Variants in ZFYVE26 observed in about 807,000 individuals in gnomAD.
ZFYVE26 encodes zinc finger FYVE-type containing 26.
In ZFYVE26, 181 loss-of-function variants were observed where a neutral mutation model predicts 276.5. The ratio of observed to expected loss-of-function variants is 0.65; its 90% CI spans 0.58 to 0.74. The LOEUF is 0.74. Among genes scored for constraint, ZFYVE26 ranks in the 30% least tolerant of loss-of-function variants. The pLI, the probability that ZFYVE26 is intolerant of heterozygous loss-of-function variation, is 0.00. For missense variants in ZFYVE26, 2,821 were observed against 3,097.9 expected (o/e 0.91, Z 2.12); for synonymous variants, 1,129 against 1,203.1 (o/e 0.94, Z 1.27).
At position 67,783,223 on chromosome 14, in the gene ZFYVE26, GA is replaced by G; in HGVS notation, c.3928del (p.Ser1310HisfsTer6). The G allele has an allele frequency of 6.2e-7, 1 of 1,613,804 alleles. No homozygotes were observed. Among genetic ancestry groups the G allele is most frequent in the East Asian group, 2.2e-5 (1 of 44,872 alleles). On this transcript the variant is annotated frameshift_variant, in exon 21 of 42. Coordinates refer to ENST00000347230, the MANE Select transcript of ZFYVE26 (RefSeq NM_015346.4). LOFTEE classifies it high-confidence loss of function. ...LTSSALAFLK[S>X]RSKLLATVAC... ...CACCGTAGCTAGGAGCTTTGAGCGT[GA>G]CTTAAGAAAGGCCAAGGCAGAGGAG... is the stretch of plus-strand genomic sequence containing the variant.
intron 35 of ZFYVE26, among the ~76,000 whole-genome samples, chr14:67,758,164 T>C (rs1157302547): frequency 1.3e-5 from 2 of 152,302 alleles, no homozygotes; most frequent in East Asian, 3.9e-4. Flanking sequence ...CATGCTAGCA[T>C]AGTGACACTG....
downstream of ZFYVE26, chr14:67,746,446 C>CG (rs11404941): frequency 1.2e-4 from 18 of 152,312 alleles, no homozygotes; most frequent in Non-Finnish European, 1.6e-4. Context: ...CTTCCCCACT[C>CG]CCTTTTCTTT....
intron 13 of ZFYVE26, chr14:67,734,124 C>T: frequency 2.9e-6 from 1 of 350,088 alleles, no homozygotes; most frequent in Non-Finnish European, 5.6e-6. Context: ...AGATCCCAGG[C>T]TGGGCATGGG....
intron 3 of ZFYVE26, among the ~76,000 whole-genome samples, chr14:67,811,185 A>G (rs552235248): frequency 1.3e-5 from 2 of 152,374 alleles, no homozygotes; most frequent in Admixed American, 6.5e-5. Context: ...CTAGGACAGC[A>G]GATCCTTAAT....
chr14:67,749,958 C>T (rs2038591528), intron 41 of ZFYVE26, among the ~76,000 whole-genome samples: 1 of 152,184 alleles, frequency 6.6e-6, no homozygotes, highest in Non-Finnish European at 1.5e-5. Context: ...CATTTAACTG[C>T]ATTAGACAGC....
At chr14:67,760,330 C>G (rs1359354868) in intron 35 of ZFYVE26, among the ~76,000 whole-genome samples, 1 of 152,178 alleles carries the variant, frequency 6.6e-6, no homozygotes, top group Non-Finnish European at 1.5e-5. Flanking sequence ...AGTAGCTAAG[C>G]ACTGGTAAAA....
In ZFYVE26 at chr14:67,794,181, T is replaced by C; in HGVS notation, c.2391A>G (p.Thr797=). 1 of 1,614,182 alleles carries C rather than the reference T, an allele frequency of 6.2e-7. No homozygotes were observed. Among genetic ancestry groups the C allele is most frequent in the African/African-American group, 1.3e-5 (1 of 75,054 alleles). Residue 797 remains threonine (T), a synonymous_variant, in exon 13 of 42, where the codon ACA becomes ACG. Coordinates refer to ENST00000347230, the MANE Select transcript of ZFYVE26 (RefSeq NM_015346.4). ...SLESTSSELS[T]STSEGSLSAM... ...TGGAAATCTGCATACCTGACGTACT[T>C]GTGCTCAGCTCACTACTTGTACTTT...
chr14:67,750,829 A>T, intron 41 of ZFYVE26: 1 of 626,202 alleles, frequency 1.6e-6, no homozygotes. Flanking sequence ...CTTGGGGATA[A>T]AGACTTGGGA....
At position 67,754,292 on chromosome 14, in the gene ZFYVE26, A is replaced by C. The variant is rs1200734778; in HGVS notation, c.6987-80T>G. 6 of 1,573,164 alleles carry C rather than the reference A, an allele frequency of 3.8e-6. No homozygotes were observed. The African/African-American group carries it at 8.1e-5, about 21-fold the overall frequency. ...GGCCAGGAGACTGAGAAGTCGAATA[A>C]TATGGCAATGAAAAAGGGAAAACAA... On this transcript the variant is annotated intron_variant, in intron 37 of 41. Transcript: ENST00000347230.
intron 35 of ZFYVE26, among the ~76,000 whole-genome samples, chr14:67,757,446 T>A (rs1009733463): frequency 5.9e-5 from 9 of 152,168 alleles, no homozygotes; most frequent in African/African-American, 2.2e-4. Context: ...TCCCCATAGA[T>A]CTGCATGATT....
intron 19 of ZFYVE26, 145 bp from the exon 20 acceptor site, chr14:67,784,581 A>G: frequency 2.6e-6 from 2 of 764,512 alleles, no homozygotes; most frequent in Non-Finnish European, 4.6e-6. Flanking sequence ...GGTAAAGGGT[A>G]TTCTCAACAT....
At chr14:67,773,553 G>GCACACACACACA (rs150277930) in intron 27 of ZFYVE26, among the ~76,000 whole-genome samples, 1 of 136,964 alleles carries the variant, frequency 7.3e-6, no homozygotes. Context: ...AAAAAAAGGC[G>GCACACACACACA]CACACACACA....
chr14:67,806,361 G>A (rs2040180456), intron 6 of ZFYVE26, among the ~76,000 whole-genome samples, 184 bp downstream of exon 6: 1 of 152,216 alleles, frequency 6.6e-6, no homozygotes, highest in Admixed American at 6.5e-5. Context: ...GCAACTGTAA[G>A]TATGAATGGC....
At chr14:67,729,855 A>T (rs760686635) in intron 13 of ZFYVE26, 4 of 457,502 alleles carry the variant, frequency 8.7e-6, no homozygotes, top group Non-Finnish European at 1.8e-5. Flanking sequence ...TTAGTGCTGA[A>T]TCTTATCATG....
intron 13 of ZFYVE26, among the ~76,000 whole-genome samples, chr14:67,740,273 T>A (rs1439620869): frequency 6.6e-6 from 1 of 152,228 alleles, no homozygotes; most frequent in East Asian, 1.9e-4. Context: ...TAAACCAATA[T>A]AATTGTATTG....
rs1396903974 is a variant in ZFYVE26 at position 67,781,465 on chromosome 14, T to C, written c.4437A>G (p.Leu1479=). 3 of 1,614,066 alleles carry C rather than the reference T, an allele frequency of 1.9e-6. No homozygotes were observed. Among genetic ancestry groups the C allele is most frequent in the African/African-American group, 1.3e-5 (1 of 74,934 alleles). ...KDASLRSRLA[L]QFVDRWPLES... Reference sequence around the variant, plus strand: ...CCAGGGGCCACCTGTCCACAAACTGTAGGGCCAGCCGACTTCTCAGAGATG... The same window carrying C: ...CCAGGGGCCACCTGTCCACAAACTGCAGGGCCAGCCGACTTCTCAGAGATG... The change falls in exon 22 of 42, where the codon CTA becomes CTG. Residue 1479 remains leucine, a synonymous_variant. Coordinates refer to ENST00000347230, the MANE Select transcript of ZFYVE26 (RefSeq NM_015346.4).
chr14:67,767,702 A>G lies in ZFYVE26; in HGVS notation c.5790+2T>C, dbSNP rs748309095. ...GTGACCATTGCATTTTATTGCTATTACCTGCTCATAGTAAAATTCACTCCG... is the reference window on the plus strand; with the variant it reads ...GTGACCATTGCATTTTATTGCTATTGCCTGCTCATAGTAAAATTCACTCCG... On this transcript the variant is annotated splice_donor_variant, in intron 31 of 41. Coordinates refer to ENST00000347230, the MANE Select transcript of ZFYVE26 (RefSeq NM_015346.4). LOFTEE classifies it high-confidence loss of function. 6.2e-7 allele frequency: 1 copy of G among 1,614,152 alleles called. No homozygotes were observed. The highest frequency in any genetic ancestry group is 1.7e-5 in the Admixed American group (1 of 60,022).
intron 13 of ZFYVE26, among the ~76,000 whole-genome samples, chr14:67,736,121 A>C (rs968435953): frequency 6.6e-6 from 1 of 152,234 alleles, no homozygotes; most frequent in African/African-American, 2.4e-5. Context: ...GGAAAGTGGG[A>C]ATGGGCAGAG....
exon 14 of ZFYVE26, chr14:67,729,442 G>A (rs545048680): frequency 1.3e-6 from 2 of 1,519,440 alleles, no homozygotes; most frequent in East Asian, 2.2e-5. Context: ...CGGACTCGCT[G>A]GGCTGTTCAT....
Sources: allele counts gnomAD v4.1 joint callset (sites outside exome capture counted in the v4.1 genomes callset), GRCh38; gene constraint gnomAD v4.1.1; transcripts MANE v1.5; gene names NCBI Gene and HGNC (gene_info 2026-07-23, HGNC 2026-07-21).